The following ALKBH5 variants were observed in gnomAD, a reference collection of about 807,000 sequenced individuals.
The protein encoded by ALKBH5 is RNA demethylase ALKBH5.
A neutral mutation model predicts 32.1 loss-of-function variants in ALKBH5; 2 were observed. The observed-to-expected ratio is 0.06, with a 90% CI of 0.03 to 0.20. The LOEUF (loss-of-function observed/expected upper bound fraction) is 0.20. Among genes scored for constraint, ALKBH5 ranks in the 10% least tolerant of loss-of-function variants. The pLI, the probability that ALKBH5 is intolerant of heterozygous loss-of-function variation, is 1.00. For synonymous variants in ALKBH5, 300 were observed against 231.7 expected (o/e 1.29, Z -2.68); for missense variants, 352 against 559.5 (o/e 0.63, Z 3.74).
rs1223307232 is a variant in ALKBH5, at chr17:18,208,521, C to G, written c.*125C>G. 8.6e-7 allele frequency: 1 copy of G among 1,161,514 alleles called. No individual in the cohort carries two copies. The allele number at this position is 1,161,514 out of a possible 1,614,324, so 72.0% of individuals were successfully genotyped here. A position where few individuals can be genotyped will look rare whatever the true frequency, so the allele number is the denominator to read the frequency against. On this transcript the variant is annotated 3_prime_UTR_variant, in exon 4 of 4. Transcript: ENST00000399138. ...TTTTTGTTTTTTGTTTTTTTTGATT[C>G]TATATATTTTTCCTTGGTTTTGTTG...
At chr17:18,187,610 G>T (rs2047147241) in intron 1 of ALKBH5, among the ~76,000 whole-genome samples, 1 of 152,160 alleles carries the variant, frequency 6.6e-6, no homozygotes, top group Non-Finnish European at 1.5e-5. Context: ...CTGCTCTAGG[G>T]TCTGGACCCT....
chr17:18,196,269 C>T (rs1459082657), intron 2 of ALKBH5, among the ~76,000 whole-genome samples: 1 of 149,042 alleles, frequency 6.7e-6, no homozygotes, highest in African/African-American at 2.5e-5. Context: ...CTGGAATAGG[C>T]GGGAATGCAG....
rs916531804 is a variant in ALKBH5, at chr17:18,184,152, C to T, written c.-92C>T. On this transcript the variant is annotated 5_prime_UTR_variant, in exon 1 of 4. Coordinates refer to ENST00000399138, the MANE Select transcript of ALKBH5 (RefSeq NM_017758.4). ...TGGGGGTTCGGCGCTAAGGACCCCC[C>T]TCCCTCCGGGGGCCCCGGGGCGCGT... 5.7e-5 allele frequency: 67 copies of T among 1,184,706 alleles called. No individual in the cohort carries two copies. Among genetic ancestry groups the T allele is most frequent in the Non-Finnish European group, 6.9e-5 (60 of 864,060 alleles). 73.4% of individuals were successfully genotyped at this position (1,184,706 alleles called of 1,614,324 possible).
At chr17:18,192,637 T>G (rs1243699983) in intron 1 of ALKBH5, among the ~76,000 whole-genome samples, 4 of 152,166 alleles carry the variant, frequency 2.6e-5, no homozygotes, top group Non-Finnish European at 5.9e-5. Flanking sequence ...TGAACCCAGG[T>G]CTCTTCAACT....
Position 18,208,628 on chromosome 17 carries a change from G to A in ALKBH5, c.*232G>A, listed in dbSNP as rs921038534. 3.1e-6 allele frequency: 2 copies of A among 636,342 alleles called. No homozygotes were observed. The highest frequency in any genetic ancestry group is 1.8e-5 in the African/African-American group (1 of 54,526). The allele number at this position is 636,342 out of a possible 1,614,324, so 39.4% of individuals were successfully genotyped here. A position where few individuals can be genotyped will look rare whatever the true frequency, so the allele number is the denominator to read the frequency against. On this transcript the variant is annotated 3_prime_UTR_variant, in exon 4 of 4. Coordinates refer to ENST00000399138, the MANE Select transcript of ALKBH5 (RefSeq NM_017758.4). ...TTCCTCCTGGATGGAAAGGCTGTTG[G>A]CATCAATAGGGGACAGAGGCTGATG...
intron 1 of ALKBH5, among the ~76,000 whole-genome samples, chr17:18,193,313 C>T (rs988187469): frequency 7.2e-5 from 11 of 151,842 alleles, no homozygotes; most frequent in Admixed American, 3.9e-4. Context: ...TTTGGGAGGC[C>T]GAGGCTGGCG....
chr17:18,189,710 C>T (rs892794508), intron 1 of ALKBH5, among the ~76,000 whole-genome samples: 35 of 152,216 alleles, frequency 2.3e-4, no homozygotes, highest in African/African-American at 8.4e-4. Flanking sequence ...CTCAGTTTTC[C>T]TCATCTGCAA....
At chr17:18,199,391 A>C (rs888981349) in intron 2 of ALKBH5, among the ~76,000 whole-genome samples, 9 of 152,246 alleles carry the variant, frequency 5.9e-5, no homozygotes, top group African/African-American at 2.2e-4. Context: ...CTTCTGGGGT[A>C]TAATAATTCA....
intron 1 of ALKBH5, among the ~76,000 whole-genome samples, chr17:18,191,194 A>G (rs1296176764): frequency 1.3e-5 from 2 of 152,232 alleles, no homozygotes; most frequent in Non-Finnish European, 2.9e-5. Flanking sequence ...TCTCTGCTCG[A>G]CATTTTGTGA....
Position 18,195,052 on chromosome 17 carries a change from C to T in ALKBH5, c.851+17C>T. The T allele has an allele frequency of 1.9e-6, 3 of 1,609,228 alleles. No homozygotes were observed. The highest frequency in any genetic ancestry group is 2.5e-6 in the Non-Finnish European group (3 of 1,177,682). On this transcript the variant is annotated intron_variant, in intron 2 of 3. Coordinates refer to ENST00000399138, the MANE Select transcript of ALKBH5 (RefSeq NM_017758.4). ...CCTCAGGAAGTAAGTGCCTTGATGT[C>T]TGACCTTCTGCCTCACCTGCAGGCC...
chr17:18,192,061 T>C (rs1379216654), intron 1 of ALKBH5, among the ~76,000 whole-genome samples: 2 of 152,012 alleles, frequency 1.3e-5, no homozygotes, highest in African/African-American at 4.8e-5. Flanking sequence ...TGTGGAATGA[T>C]AAAAGCATGG....
intron 1 of ALKBH5, among the ~76,000 whole-genome samples, chr17:18,192,642 T>C (rs1290111935): frequency 6.6e-6 from 1 of 152,184 alleles, no homozygotes; most frequent in African/African-American, 2.4e-5. Context: ...CCAGGTCTCT[T>C]CAACTCACTA....
intron 1 of ALKBH5, among the ~76,000 whole-genome samples, chr17:18,191,133 C>T (rs1415322843): frequency 6.6e-6 from 1 of 152,198 alleles, no homozygotes; most frequent in Non-Finnish European, 1.5e-5. Context: ...GACTTTCAGA[C>T]AATTTATTTT....
intron 2 of ALKBH5, among the ~76,000 whole-genome samples, chr17:18,201,926 G>T (rs898442540): frequency 1.3e-5 from 2 of 151,912 alleles, no homozygotes; most frequent in African/African-American, 2.4e-5. Context: ...GAGGCAGGAG[G>T]ATTGCTTGAG....
chr17:18,190,757 C>T (rs2047169618), intron 1 of ALKBH5, among the ~76,000 whole-genome samples: 1 of 152,120 alleles, frequency 6.6e-6, no homozygotes, highest in African/African-American at 2.4e-5. Flanking sequence ...AGGGAAGACA[C>T]AATTTCCACA....
rs1393189616 is a variant in ALKBH5, at chr17:18,209,603, G to C, written c.*1207G>C. Reference sequence around the variant, plus strand: ...AAGGCAGCAAGGTTTTGTGGATCTAGATTCATTAGGAATGTCTTCTTGTCA... The same window carrying C: ...AAGGCAGCAAGGTTTTGTGGATCTACATTCATTAGGAATGTCTTCTTGTCA... On this transcript the variant is annotated 3_prime_UTR_variant, in exon 4 of 4. Coordinates refer to ENST00000399138, the MANE Select transcript of ALKBH5 (RefSeq NM_017758.4). 2.0e-5 allele frequency: 3 copies of C among 152,232 alleles called. No homozygotes were observed. The highest frequency in any genetic ancestry group is 4.4e-5 in the Non-Finnish European group (3 of 68,044). The allele number at this position is 152,232 out of a possible 1,614,324, so 9.4% of individuals were successfully genotyped here. A position where few individuals can be genotyped will look rare whatever the true frequency, so the allele number is the denominator to read the frequency against.
intron 1 of ALKBH5, among the ~76,000 whole-genome samples, chr17:18,185,717 G>C (rs2047135211): frequency 1.3e-5 from 2 of 152,224 alleles, no homozygotes; most frequent in Non-Finnish European, 1.5e-5. Flanking sequence ...ACAGTTGCGT[G>C]AGCAGCAGAA....
intron 1 of ALKBH5, among the ~76,000 whole-genome samples, chr17:18,191,870 A>G (rs2047176883): frequency 6.6e-6 from 1 of 151,554 alleles, no homozygotes; most frequent in Non-Finnish European, 1.5e-5. Flanking sequence ...AATTGCTTGA[A>G]CCTGGGACGT....
chr17:18,201,209 G>A (rs1187519794), intron 2 of ALKBH5, among the ~76,000 whole-genome samples: 1 of 152,202 alleles, frequency 6.6e-6, no homozygotes, highest in Non-Finnish European at 1.5e-5. Context: ...TGTGTCTCCT[G>A]TGGTTAGATT....
Sources: allele counts gnomAD v4.1 joint callset (sites outside exome capture counted in the v4.1 genomes callset), GRCh38; gene constraint gnomAD v4.1.1; transcripts MANE v1.5; gene names NCBI Gene and HGNC (gene_info 2026-07-23, HGNC 2026-07-21).